ACSM1: variants seen among roughly 807,000 people sequenced by gnomAD.
ACSM1 encodes the protein acyl-CoA synthetase medium chain family member 1, also known as acyl-coenzyme A synthetase ACSM1, mitochondrial.
Under a neutral mutation model 75.8 loss-of-function variants are expected in ACSM1, and 79 were observed. The observed-to-expected ratio is 1.04, with a 90% CI of 0.87 to 1.26. ACSM1 has a LOEUF of 1.26. Among genes scored for constraint, ACSM1 ranks in the 50% most tolerant of loss-of-function variants. ACSM1 has a pLI of 0.00. For synonymous variants in ACSM1, 279 were observed against 265.8 expected, an observed-to-expected ratio of 1.05 and a Z score of -0.48; for missense variants, 676 against 720.1, an observed-to-expected ratio of 0.94 and a Z score of 0.70.
chr16:20,685,850 A>AAAAAAAAAAAAG (rs2079545011), intron 2 of ACSM1, among the ~76,000 whole-genome samples: 1 of 146,466 alleles, frequency 6.8e-6, no homozygotes, highest in Non-Finnish European at 1.5e-5. Context: ...AAAAAAACAA[A>AAAAAAAAAAAAG]AAACTTATAG....
chr16:20,688,674 G>A (rs1438914707), intron 2 of ACSM1, among the ~76,000 whole-genome samples: 1 of 151,900 alleles, frequency 6.6e-6, no homozygotes, highest in Non-Finnish European at 1.5e-5. Context: ...CATCCAGAAA[G>A]ATTCTTCAAA....
intron 10 of ACSM1, among the ~76,000 whole-genome samples, chr16:20,632,502 T>C (rs1471867889): frequency 1.3e-5 from 2 of 152,150 alleles, no homozygotes; most frequent in South Asian, 4.1e-4. Flanking sequence ...GAAATAGAAC[T>C]CTGAATAGAT....
chr16:20,624,383 CCT>C (rs1253171458), intron 12 of ACSM1, among the ~76,000 whole-genome samples, 168 bp from the exon 13 acceptor site: 1 of 152,216 alleles, frequency 6.6e-6, no homozygotes, highest in Non-Finnish European at 1.5e-5. Flanking sequence ...CCACTCCATG[CCT>C]TGAAAAGTTA....
intron 10 of ACSM1, among the ~76,000 whole-genome samples, chr16:20,635,081 T>C (rs940075271): frequency 1.3e-4 from 20 of 151,006 alleles, no homozygotes; most frequent in Non-Finnish European, 2.5e-4. Context: ...CTTTGGAAAA[T>C]AAAATATGTC....
At chr16:20,650,192 C>T (rs1370331040) in intron 7 of ACSM1, among the ~76,000 whole-genome samples, 2 of 152,156 alleles carry the variant, frequency 1.3e-5, no homozygotes, top group Non-Finnish European at 2.9e-5. Context: ...TTCCGAGATG[C>T]ATTCTAAATG....
chr16:20,665,016 T>C (rs2019494431), intron 6 of ACSM1, among the ~76,000 whole-genome samples: 1 of 152,270 alleles, frequency 6.6e-6, no homozygotes, highest in Non-Finnish European at 1.5e-5. Flanking sequence ...GGAAAGTTTA[T>C]AGCACTAAAT....
At chr16:20,666,324 T>C (rs2019565310) in intron 6 of ACSM1, among the ~76,000 whole-genome samples, 1 of 152,092 alleles carries the variant, frequency 6.6e-6, no homozygotes, top group African/African-American at 2.4e-5. Context: ...AGCATTTCCA[T>C]ACACCAACAA....
chr16:20,661,805 C>T lies in ACSM1; in HGVS notation c.981G>A (p.Gln327=), dbSNP rs2019313585. Reference sequence around the variant, plus strand: ...CACTTCTACCATACCTGGTGAAATCCTGCTGCAGAATCATTCGATATATAG... The same window carrying T: ...CACTTCTACCATACCTGGTGAAATCTTGCTGCAGAATCATTCGATATATAG... ...VSSIYRMILQ[Q]DFTSIRFPAL... Residue 327 remains glutamine (Q), a synonymous_variant, in exon 7 of 14, where the codon CAG becomes CAA. Transcript: ENST00000520010. 6.2e-6 allele frequency: 10 copies of T among 1,609,334 alleles called. No homozygotes were observed. Among genetic ancestry groups the T allele is most frequent in the Non-Finnish European group, 8.5e-6 (10 of 1,176,542 alleles).
At chr16:20,628,963 C>T (rs972458692) in intron 10 of ACSM1, among the ~76,000 whole-genome samples, 1 of 151,924 alleles carries the variant, frequency 6.6e-6, no homozygotes, top group African/African-American at 2.4e-5. Flanking sequence ...AAGAGCTACC[C>T]GAAAAAAACA....
At chr16:20,658,021 G>C (rs534939171) in intron 7 of ACSM1, among the ~76,000 whole-genome samples, 110 of 152,192 alleles carry the variant, frequency 7.2e-4, no homozygotes, top group African/African-American at 2.6e-3. Flanking sequence ...TGGACATTTG[G>C]GTTGGTTCCA....
chr16:20,654,289 T>G (rs2018821784), intron 7 of ACSM1, among the ~76,000 whole-genome samples: 1 of 152,048 alleles, frequency 6.6e-6, no homozygotes, highest in African/African-American at 2.4e-5. Context: ...CCTAAAACCA[T>G]AAAAACCCTA....
chr16:20,635,887 C>T (rs1488781482), intron 10 of ACSM1, among the ~76,000 whole-genome samples: 1 of 152,168 alleles, frequency 6.6e-6, no homozygotes, highest in Non-Finnish European at 1.5e-5. Context: ...GATCCACCCA[C>T]CTAGGCTTCC....
chr16:20,678,294 A>C (rs1409393494), intron 4 of ACSM1, among the ~76,000 whole-genome samples: 4 of 152,190 alleles, frequency 2.6e-5, no homozygotes, highest in South Asian at 2.1e-4. Flanking sequence ...CTGAAAAAAA[A>C]ACACACAAAA....
intron 4 of ACSM1, 129 bp from the exon 5 acceptor site, chr16:20,671,800 T>A: frequency 9.3e-7 from 1 of 1,069,914 alleles, no homozygotes. Context: ...AAACTGGCTC[T>A]CCCGGAGTTA....
chr16:20,635,969 G>A (rs1252339436), intron 10 of ACSM1, among the ~76,000 whole-genome samples: 2 of 152,106 alleles, frequency 1.3e-5, no homozygotes, highest in Non-Finnish European at 2.9e-5. Context: ...TTTAAGTTGT[G>A]TTGCTGAGAA....
intron 2 of ACSM1, among the ~76,000 whole-genome samples, chr16:20,689,315 G>A (rs77816149): frequency 0.16 from 23,899 of 151,846 alleles, 2,555 homozygotes; most frequent in East Asian, 0.42. Context: ...TACACAAAAG[G>A]AAATGAGAAG....
intron 10 of ACSM1, among the ~76,000 whole-genome samples, chr16:20,635,517 TGGTCCTCA>T (rs1466269996): frequency 6.6e-6 from 1 of 152,256 alleles, no homozygotes; most frequent in African/African-American, 2.4e-5. Flanking sequence ...TATATATCTG[TGGTCCTCA>T]AAGATGCCTG....
chr16:20,632,858 C>G (rs1421942382), intron 10 of ACSM1, among the ~76,000 whole-genome samples: 1 of 152,146 alleles, frequency 6.6e-6, no homozygotes, highest in Non-Finnish European at 1.5e-5. Context: ...GGATTTATTC[C>G]TGTTTCAACA....
At chr16:20,694,846 G>A (rs950099259) in intron 1 of ACSM1, among the ~76,000 whole-genome samples, 1 of 152,066 alleles carries the variant, frequency 6.6e-6, no homozygotes. Flanking sequence ...AATATGACTG[G>A]TGTCCTTATA....
Sources: allele counts gnomAD v4.1 joint callset (sites outside exome capture counted in the v4.1 genomes callset), GRCh38; gene constraint gnomAD v4.1.1; transcripts MANE v1.5; gene names NCBI Gene and HGNC (gene_info 2026-07-23, HGNC 2026-07-21).